DNM3: variants seen among roughly 807,000 people sequenced by gnomAD.
The protein encoded by DNM3 is dynamin-3.
A neutral mutation model predicts 101.6 loss-of-function variants in DNM3; 47 were observed. That is an observed-to-expected ratio of 0.46 (90% CI 0.37 to 0.59). The LOEUF is 0.59. DNM3 is among the 20% of genes least tolerant of loss of function. DNM3 has a pLI of 0.00. For missense variants in DNM3, 849 were observed against 1,085.7 expected (o/e 0.78, Z 3.06); for synonymous variants, 385 against 387.9 (o/e 0.99, Z 0.09).
intron 16 of DNM3, among the ~76,000 whole-genome samples, chr1:172,314,611 T>C (rs1463834333): frequency 1.3e-5 from 2 of 152,206 alleles, no homozygotes; most frequent in Non-Finnish European, 2.9e-5. Context: ...CAGAGGGTCC[T>C]ACGCCCACGG....
chr1:171,889,177 C>T (rs1485070894), intron 1 of DNM3, among the ~76,000 whole-genome samples: 1 of 152,038 alleles, frequency 6.6e-6, no homozygotes, highest in Non-Finnish European at 1.5e-5. Context: ...CAGGGTCTTG[C>T]TATGTTGCCT....
At position 172,387,377 on chromosome 1, in the gene DNM3, GC is replaced by G; in HGVS notation, c.2285+20del. ...TCTCGCAGGTAAGAAGATGGCCCCGGCCGGGTGCGGTGGCTCGCTCCTGTAA... is the reference window on the plus strand; with the variant it reads ...TCTCGCAGGTAAGAAGATGGCCCCGGCGGGTGCGGTGGCTCGCTCCTGTAA... On this transcript the variant is annotated intron_variant, in intron 19 of 20. Coordinates refer to ENST00000627582, the MANE Select transcript of DNM3 (RefSeq NM_015569.5). 1 of 1,599,994 alleles carries G rather than the reference GC, an allele frequency of 6.3e-7. No homozygotes were observed. The highest frequency in any genetic ancestry group is 8.5e-7 in the Non-Finnish European group (1 of 1,172,052).
chr1:172,137,419 G>A (rs935174287), intron 14 of DNM3: 1 of 152,132 alleles, frequency 6.6e-6, no homozygotes, highest in Admixed American at 6.6e-5. Flanking sequence ...GTTTAAATGA[G>A]AGAAATTTAA....
At chr1:172,216,874 CTAGAGATTTTCCCTCT>C (rs2060719897) in intron 14 of DNM3, among the ~76,000 whole-genome samples, 1 of 152,004 alleles carries the variant, frequency 6.6e-6, no homozygotes, top group Non-Finnish European at 1.5e-5. Context: ...ATTTTCCCAC[CTAGAGATTTTCCCTCT>C]GTAATTGGAT....
rs912275278 is a variant in DNM3, at chr1:172,407,898, T to C, written c.*57T>C. 6.2e-7 allele frequency: 1 copy of C among 1,611,186 alleles called. No individual in the cohort carries two copies. Among genetic ancestry groups the C allele is most frequent in the Non-Finnish European group, 8.5e-7 (1 of 1,178,076 alleles). ...ATGAATTATGCGAAAGCAACATATT[T>C]GATAACCGTTGCAGTAAATCATGAG... On this transcript the variant is annotated 3_prime_UTR_variant, in exon 21 of 21. Coordinates refer to ENST00000627582, the MANE Select transcript of DNM3 (RefSeq NM_015569.5).
chr1:172,133,444 G>C (rs567842762), intron 14 of DNM3: 10 of 985,402 alleles, frequency 1.0e-5, no homozygotes, highest in Non-Finnish European at 1.2e-5. Context: ...CCAAGGTATG[G>C]TATGGAGGGT....
intron 4 of DNM3, among the ~76,000 whole-genome samples, chr1:172,003,077 TTC>T (rs1332260535): frequency 2.6e-5 from 4 of 152,028 alleles, no homozygotes; most frequent in Non-Finnish European, 5.9e-5. Context: ...AATAAATATA[TTC>T]TCTCTTTTTC....
rs140949817 is a variant in DNM3, at chr1:172,029,643, A to T, written c.590-2759A>T. Among the ~76,000 whole-genome samples the T allele has an allele frequency of 8.1e-3, 1,235 of 152,310 alleles. 21 individuals are homozygous for T. Among genetic ancestry groups the T allele is most frequent in the Non-Finnish European group, 8.8e-3 (601 of 68,018 alleles). On this transcript the variant is annotated intron_variant, in intron 4 of 20. Coordinates refer to ENST00000627582, the MANE Select transcript of DNM3 (RefSeq NM_015569.5). Reference sequence around the variant, plus strand: ...CCCTGTTTGCAGATGACATGATTATATATTTAGAAAACCCCATCGTCTCAG... The same window carrying T: ...CCCTGTTTGCAGATGACATGATTATTTATTTAGAAAACCCCATCGTCTCAG...
At chr1:172,315,308 A>C (rs931703559) in intron 16 of DNM3, among the ~76,000 whole-genome samples, 2 of 152,178 alleles carry the variant, frequency 1.3e-5, no homozygotes, top group African/African-American at 2.4e-5. Context: ...GAGCAGAAAA[A>C]CTGGAAACTC....
intron 17 of DNM3, among the ~76,000 whole-genome samples, chr1:172,371,428 G>A (rs913116535): frequency 1.9e-4 from 29 of 152,014 alleles, no homozygotes; most frequent in African/African-American, 6.3e-4. Context: ...ATTCAAGCTC[G>A]TATATATAAA....
chr1:172,061,381 A>G (rs2051184950), intron 10 of DNM3, among the ~76,000 whole-genome samples: 2 of 150,142 alleles, frequency 1.3e-5, no homozygotes, highest in Non-Finnish European at 3.0e-5. Flanking sequence ...TCATGCTGCT[A>G]TAAAGACATA....
intron 14 of DNM3, 40 bp from the exon 15 acceptor site, chr1:172,253,529 CCTCT>C (rs140075748): frequency 2.1e-4 from 257 of 1,198,754 alleles, no homozygotes; most frequent in Non-Finnish European, 2.7e-4. Context: ...CCTCTCCTCT[CCTCT>C]CCTCTCCTCT....
intron 11 of DNM3, 87 bp downstream of exon 11, chr1:172,068,992 C>G: frequency 1.7e-6 from 2 of 1,172,954 alleles, no homozygotes. Context: ...CAACAGTCAG[C>G]CTGTCGCTTA....
chr1:171,914,082 G>A (rs1012908806), intron 1 of DNM3, among the ~76,000 whole-genome samples: 1 of 152,066 alleles, frequency 6.6e-6, no homozygotes, highest in Admixed American at 6.5e-5. Flanking sequence ...AAGCCACTGT[G>A]CATGGCCAGA....
At chr1:172,163,954 T>TACACAC (rs1361403589) in intron 14 of DNM3, among the ~76,000 whole-genome samples, 4 of 112,154 alleles carry the variant, frequency 3.6e-5, no homozygotes, top group African/African-American at 8.5e-5. Context: ...CATACATATA[T>TACACAC]ATACACACAC....
chr1:172,105,489 G>T (rs966773899), intron 13 of DNM3, among the ~76,000 whole-genome samples: 3 of 152,174 alleles, frequency 2.0e-5, no homozygotes, highest in Non-Finnish European at 4.4e-5. Flanking sequence ...GTTGATTTTT[G>T]TACAGTGACA....
At chr1:172,223,158 G>A (rs889279150) in intron 14 of DNM3, among the ~76,000 whole-genome samples, 1 of 151,792 alleles carries the variant, frequency 6.6e-6, no homozygotes, top group African/African-American at 2.4e-5. Context: ...CTGTGCAATA[G>A]AGCACCAAAA....
intron 14 of DNM3, among the ~76,000 whole-genome samples, chr1:172,247,323 A>G (rs561749843): frequency 6.6e-6 from 1 of 152,330 alleles, no homozygotes; most frequent in African/African-American, 2.4e-5. Context: ...TATGGCAAAT[A>G]CAATAATAGA....
intron 4 of DNM3, among the ~76,000 whole-genome samples, chr1:172,022,864 C>T (rs1228978552): frequency 6.6e-6 from 1 of 152,238 alleles, no homozygotes; most frequent in African/African-American, 2.4e-5. Context: ...CTCACATATG[C>T]ACTTATCCTC....
Sources: allele counts gnomAD v4.1 joint callset (sites outside exome capture counted in the v4.1 genomes callset), GRCh38; gene constraint gnomAD v4.1.1; transcripts MANE v1.5; gene names NCBI Gene and HGNC (gene_info 2026-07-23, HGNC 2026-07-21).